Variants in PIEZO2 observed in about 807,000 individuals in gnomAD.
PIEZO2 encodes piezo type mechanosensitive ion channel component 2.
Under a neutral mutation model 337.3 loss-of-function variants are expected in PIEZO2, and 172 were observed. That is an observed-to-expected ratio of 0.51 (90% confidence interval 0.45 to 0.58). The LOEUF is 0.58. Among genes scored for constraint, PIEZO2 ranks in the 20% least tolerant of loss-of-function variants. The pLI, the probability that PIEZO2 is intolerant of heterozygous loss-of-function variation, is 0.00. For synonymous variants in PIEZO2, 1,251 were observed against 1,228.5 expected, an observed-to-expected ratio of 1.02 and a Z score of -0.38; for missense variants, 3,028 against 3,391.3, an observed-to-expected ratio of 0.89 and a Z score of 2.66.
chr18:11,062,760 A>G (rs1427230342), intron 2 of PIEZO2, among the ~76,000 whole-genome samples: 1 of 152,192 alleles, frequency 6.6e-6, no homozygotes, highest in East Asian at 1.9e-4. Context: ...TCAGGAAACA[A>G]CAGGTGCTGG....
intron 30 of PIEZO2, among the ~76,000 whole-genome samples, chr18:10,745,250 C>G (rs1229460831): frequency 6.6e-6 from 1 of 152,156 alleles, no homozygotes; most frequent in Non-Finnish European, 1.5e-5. Context: ...CTGGGGGACA[C>G]GAAATTCCTG....
chr18:10,680,137 C>T (rs1598346789), intron 52 of PIEZO2, 62 bp downstream of exon 52: 3 of 1,407,624 alleles, frequency 2.1e-6, no homozygotes, highest in African/African-American at 1.5e-5. Context: ...CACCCTCCCT[C>T]CCCCAACTCC....
At position 10,727,786 on chromosome 18, in the gene PIEZO2, G is replaced by A. The variant is rs1321736020; in HGVS notation, c.5029+3621C>T. On this transcript the variant is annotated intron_variant, in intron 36 of 55. Transcript: ENST00000674853. The surrounding 1 kb of genome is among the most constrained non-coding windows in gnomAD (Gnocchi z 6.3). The stretch of plus-strand genomic sequence containing the variant: ...CTCTGGCACAGGCTGGCATAGCCTA[G>A]GAGCAGCTGCAGTTGTCCCTGAGGG... 2 of 152,304 alleles carry A rather than the reference G, an allele frequency of 1.3e-5. No homozygotes were observed. The highest frequency in any genetic ancestry group is 4.8e-5 in the African/African-American group (2 of 41,420). 9.4% of individuals were successfully genotyped at this position (152,304 alleles called of 1,614,324 possible).
Position 11,131,770 on chromosome 18 carries a change from T to C in PIEZO2, c.64+16755A>G, listed in dbSNP as rs2040346861. Reference sequence around the variant, plus strand: ...GATGGACCTGAGTGGTCAAAAACTGTGAAGATATTTGTATCCCATGTGAGT... The same window carrying C: ...GATGGACCTGAGTGGTCAAAAACTGCGAAGATATTTGTATCCCATGTGAGT... On this transcript the variant is annotated intron_variant, in intron 1 of 55. Coordinates refer to ENST00000674853, the MANE Select transcript of PIEZO2 (RefSeq NM_001378183.1). The surrounding 1 kb of genome is among the most constrained non-coding windows in gnomAD (Gnocchi z 5.3). Among the ~76,000 whole-genome samples the C allele has an allele frequency of 6.6e-6, 1 of 152,114 alleles. No homozygotes were observed. Among genetic ancestry groups the C allele is most frequent in the Non-Finnish European group, 1.5e-5 (1 of 68,026 alleles).
At chr18:10,720,234 G>GCATA (rs1555631512) in intron 36 of PIEZO2, among the ~76,000 whole-genome samples, 1 of 119,920 alleles carries the variant, frequency 8.3e-6, no homozygotes, top group African/African-American at 3.3e-5. Context: ...GTGTGTGTGT[G>GCATA]TATATATATA....
chr18:10,755,804 C>A (rs2037813914), intron 27 of PIEZO2, among the ~76,000 whole-genome samples: 1 of 150,924 alleles, frequency 6.6e-6, no homozygotes, highest in African/African-American at 2.4e-5. Context: ...CCAGTGAATA[C>A]AAGAAGTGAG....
At chr18:11,059,809 G>T (rs2037872779) in intron 2 of PIEZO2, among the ~76,000 whole-genome samples, 1 of 152,090 alleles carries the variant, frequency 6.6e-6, no homozygotes, top group Non-Finnish European at 1.5e-5. Flanking sequence ...ATAATAATGG[G>T]AGACTTTAAC....
At position 11,132,133 on chromosome 18, in the gene PIEZO2, G is replaced by A. The variant is rs922181444; in HGVS notation, c.64+16392C>T. Among the ~76,000 whole-genome samples the A allele has an allele frequency of 6.6e-6, 1 of 152,194 alleles. No individual in the cohort carries two copies. The highest frequency in any genetic ancestry group is 1.5e-5 in the Non-Finnish European group (1 of 68,040). On this transcript the variant is annotated intron_variant, in intron 1 of 55. Transcript: ENST00000674853. This position sits in a 1 kb window ranked among gnomAD's most constrained non-coding sequence, Gnocchi z 4.7. Reference sequence around the variant, plus strand: ...CCTCTTCCAACATGGAAAGAGGAGAGATTTGTTCTCACTGGAATAGACACT... The same window carrying A: ...CCTCTTCCAACATGGAAAGAGGAGAAATTTGTTCTCACTGGAATAGACACT...
Position 10,973,820 on chromosome 18 carries a change from T to G in PIEZO2, c.286+5715A>C, listed in dbSNP as rs1013802909. Among the ~76,000 whole-genome samples the G allele has an allele frequency of 6.6e-6, 1 of 152,100 alleles. No homozygotes were observed. Among genetic ancestry groups the G allele is most frequent in the Non-Finnish European group, 1.5e-5 (1 of 68,020 alleles). On this transcript the variant is annotated intron_variant, in intron 3 of 55. Transcript: ENST00000674853. This position sits in a 1 kb window ranked among gnomAD's most constrained non-coding sequence, Gnocchi z 4.9. ...AAAAAATGACTCAGAACATGCAGGG[T>G]GTGAGTTTGCTTTTATATATTTTGT...
At chr18:10,867,248 G>A (rs2042030212) in intron 5 of PIEZO2, among the ~76,000 whole-genome samples, 1 of 152,164 alleles carries the variant, frequency 6.6e-6, no homozygotes, top group African/African-American at 2.4e-5. Context: ...CATGTTGAAA[G>A]CCTAACTAGA....
At position 10,895,082 on chromosome 18, in the gene PIEZO2, G is replaced by A. The variant is rs532164187; in HGVS notation, c.329+16104C>T. On this transcript the variant is annotated intron_variant, in intron 4 of 55. Transcript: ENST00000674853. This position sits in a 1 kb window ranked among gnomAD's most constrained non-coding sequence, Gnocchi z 4.8. ...TCAGTGGGCTGTCATTTGCCCAGAGGCAACATGTGTCCTCCAGGCACTTAG... is the reference window on the plus strand; with the variant it reads ...TCAGTGGGCTGTCATTTGCCCAGAGACAACATGTGTCCTCCAGGCACTTAG... 1.1e-4 allele frequency among the ~76,000 whole-genome samples: 16 copies of A among 152,320 alleles called. No homozygotes were observed. The highest frequency in any genetic ancestry group is 3.8e-4 in the African/African-American group (16 of 41,568).
At chr18:10,674,602 G>C (rs566297059) in intron 54 of PIEZO2, among the ~76,000 whole-genome samples, 2 of 152,358 alleles carry the variant, frequency 1.3e-5, no homozygotes, top group East Asian at 1.9e-4. Flanking sequence ...TGCCTAGTGT[G>C]TAGTGGCCCA....
At chr18:11,107,416 A>G (rs2039601174) in intron 1 of PIEZO2, among the ~76,000 whole-genome samples, 1 of 152,218 alleles carries the variant, frequency 6.6e-6, no homozygotes. Context: ...AAATTTAAGT[A>G]TTTGAATAAA....
chr18:10,750,023 A>C lies in PIEZO2; in HGVS notation c.4264+68T>G. 1 of 1,255,168 alleles carries C rather than the reference A, an allele frequency of 8.0e-7. No homozygotes were observed. 77.8% of individuals were successfully genotyped at this position (1,255,168 alleles called of 1,614,324 possible). A position where few individuals can be genotyped will look rare whatever the true frequency, so the allele number is the denominator to read the frequency against. On this transcript the variant is annotated intron_variant, in intron 29 of 55. Transcript: ENST00000674853. This position sits in a 1 kb window ranked among gnomAD's most constrained non-coding sequence, Gnocchi z 4.1. ...CTTTATGTGCTTTGGCCCACTTTTAAAACTAGAACAATACAACTATCCTCC... is the reference window on the plus strand; with the variant it reads ...CTTTATGTGCTTTGGCCCACTTTTACAACTAGAACAATACAACTATCCTCC...
chr18:10,948,838 A>G (rs1647420372), intron 3 of PIEZO2, among the ~76,000 whole-genome samples: 1 of 152,238 alleles, frequency 6.6e-6, no homozygotes, highest in Admixed American at 6.5e-5. Flanking sequence ...ATACAAATAC[A>G]CAAATACATT....
At position 10,750,140 on chromosome 18, in the gene PIEZO2, C is replaced by G. The variant is rs778876785; in HGVS notation, c.4215G>C (p.Trp1405Cys). 130 of 1,537,052 alleles carry G rather than the reference C, an allele frequency of 8.5e-5. No individual in the cohort carries two copies. Among genetic ancestry groups the G allele is most frequent in the Non-Finnish European group, 1.1e-4 (128 of 1,146,868 alleles). The change falls in exon 29 of 56, where the codon TGG (tryptophan) becomes TGC (cysteine). Residue 1405 changes from tryptophan (W) to cysteine (C), a missense_variant. Around this residue, in one of 5 missense-constraint regions of PIEZO2, gnomAD observed 1,925 missense variants for 2,051.9 expected, o/e 0.94. Transcript: ENST00000674853. This position sits in a 1 kb window ranked among gnomAD's most constrained non-coding sequence, Gnocchi z 4.1. Reference protein sequence around the residue: ...YIGTLVHNSCWLIQAFSLACT... With the variant: ...YIGTLVHNSCCLIQAFSLACT... ...AGGCCAGGCTGAAAGCCTGGATCAA[C>G]CAACAACTATTGTGCACCAATGTTC...
At position 11,149,565 on chromosome 18, in the gene PIEZO2, T is replaced by G. The variant is rs1235493733; in HGVS notation, c.-977A>C. On this transcript the variant is annotated 5_prime_UTR_variant, in exon 1 of 56. Coordinates refer to ENST00000674853, the MANE Select transcript of PIEZO2 (RefSeq NM_001378183.1). The surrounding 1 kb of genome is among the most constrained non-coding windows in gnomAD (Gnocchi z 8.7). The stretch of plus-strand genomic sequence containing the variant: ...CCCGGCGGCGCGCGCTTCTCCACCT[T>G]CAATGAAACTTTCGAAGCCCTCACT... Among the ~76,000 whole-genome samples, 1 of 151,804 alleles carries G rather than the reference T, an allele frequency of 6.6e-6. No individual in the cohort carries two copies. The highest frequency in any genetic ancestry group is 2.4e-5 in the African/African-American group (1 of 41,424).
At position 10,886,323 on chromosome 18, in the gene PIEZO2, CATATATATATATATATAT is replaced by C. The variant is rs58335722; in HGVS notation, c.330-14926_330-14909del. 9.9e-3 allele frequency among the ~76,000 whole-genome samples: 260 copies of C among 26,364 alleles called. 70 individuals are homozygous for C. The highest frequency in any genetic ancestry group is 0.063 in the African/African-American group (225 of 3,576). 17.3% of individuals were successfully genotyped at this position (26,364 alleles called of 152,430 possible). A position where few individuals can be genotyped will look rare whatever the true frequency, so the allele number is the denominator to read the frequency against. On this transcript the variant is annotated intron_variant, in intron 4 of 55. Transcript: ENST00000674853. ...CAGATGGTACCAAACCCTATACATA[CATATATATATATATATAT>C]ATACACACACACACACACACATATA...
At chr18:11,085,923 G>T (rs559596343) in intron 1 of PIEZO2, among the ~76,000 whole-genome samples, 3 of 151,776 alleles carry the variant, frequency 2.0e-5, no homozygotes, top group East Asian at 3.9e-4. Flanking sequence ...AACCCTAATG[G>T]TACATGTGGT....
Sources: allele counts gnomAD v4.1 joint callset (sites outside exome capture counted in the v4.1 genomes callset), GRCh38; gene constraint gnomAD v4.1.1; regional missense constraint gnomAD v4.1.1; non-coding constraint Gnocchi (gnomAD v3.1); transcripts MANE v1.5; gene names NCBI Gene and HGNC (gene_info 2026-07-23, HGNC 2026-07-21).